Variants in RAD54L observed in about 807,000 individuals in gnomAD.
RAD54L encodes DNA repair and recombination protein RAD54-like.
In RAD54L, 74 loss-of-function variants were observed where a neutral mutation model predicts 91.6. The observed-to-expected ratio is 0.81, with a 90% confidence interval of 0.67 to 0.98. The LOEUF (loss-of-function observed/expected upper bound fraction) is 0.98, where lower values mean the gene tolerates loss of function less well. Ranked by LOEUF, RAD54L falls within the 50% of genes least tolerant of loss-of-function variation. The pLI, the probability that RAD54L is intolerant of heterozygous loss-of-function variation, is 0.00. For synonymous variants in RAD54L, 304 were observed against 349.7 expected, an observed-to-expected ratio of 0.87 and a Z score of 1.46; for missense variants, 887 against 945.7, an observed-to-expected ratio of 0.94 and a Z score of 0.81.
intron 8 of RAD54L, among the ~76,000 whole-genome samples, chr1:46,264,597 G>A (rs1378491675): frequency 6.6e-6 from 1 of 152,250 alleles, no homozygotes; most frequent in African/African-American, 2.4e-5. Context: ...CAGATCAAGA[G>A]AGGATATATG....
chr1:46,250,264 G>T, intron 3 of RAD54L, 145 bp downstream of exon 3: 1 of 1,118,310 alleles, frequency 8.9e-7, no homozygotes, highest in South Asian at 1.3e-5. Flanking sequence ...GCCCACAGCT[G>T]CTGGGGCCTG....
intron 3 of RAD54L, 25 bp downstream of exon 3, chr1:46,250,144 G>C: frequency 6.2e-7 from 1 of 1,613,798 alleles, no homozygotes; most frequent in East Asian, 2.2e-5. Context: ...CAACCTGCAT[G>C]TGTATGTCTG....
Position 46,248,736 on chromosome 1 carries a change from A to G in RAD54L, c.90+138A>G, listed in dbSNP as rs948344460. 3.1e-5 allele frequency: 24 copies of G among 772,392 alleles called. No homozygotes were observed. The Admixed American group carries it at 4.5e-4, about 14-fold the overall frequency. 47.8% of individuals were successfully genotyped at this position (772,392 alleles called of 1,614,324 possible). On this transcript the variant is annotated intron_variant, in intron 2 of 17. Coordinates refer to ENST00000371975, the MANE Select transcript of RAD54L (RefSeq NM_003579.4). ...AATAAACTTTTAGTGAGTACTTACTATGTGCCAGGCATTGAACAAGATTAG... is the reference window on the plus strand; with the variant it reads ...AATAAACTTTTAGTGAGTACTTACTGTGTGCCAGGCATTGAACAAGATTAG...
chr1:46,248,087 A>G lies in RAD54L; in HGVS notation c.-319A>G, dbSNP rs1488399912. 1 of 180,404 alleles carries G rather than the reference A, an allele frequency of 5.5e-6. No individual in the cohort carries two copies. Among genetic ancestry groups the G allele is most frequent in the Non-Finnish European group, 1.1e-5 (1 of 94,260 alleles). The allele number at this position is 180,404 out of a possible 1,614,324, so 11.2% of individuals were successfully genotyped here. On this transcript the variant is annotated 5_prime_UTR_variant, in exon 1 of 18. Coordinates refer to ENST00000371975, the MANE Select transcript of RAD54L (RefSeq NM_003579.4). ...TCCTCCCTTCACCCGGACTGGGACC[A>G]TCATCCCCACTCCACTCCGCCCAGT...
intron 6 of RAD54L, 45 bp downstream of exon 6, chr1:46,260,656 C>T (rs201361829): frequency 1.2e-6 from 2 of 1,613,696 alleles, no homozygotes; most frequent in Non-Finnish European, 1.7e-6. Context: ...TGGGCTGAGC[C>T]TGGGAGACTA....
rs1660517327 is a variant in RAD54L, at chr1:46,274,064, A to C, written c.1611-74A>C. 3 of 1,447,702 alleles carry C rather than the reference A, an allele frequency of 2.1e-6. No homozygotes were observed. In the Admixed American group the frequency reaches 5.2e-5, roughly 25 times the overall value. The allele number at this position is 1,447,702 out of a possible 1,614,324, so 89.7% of individuals were successfully genotyped here. On this transcript the variant is annotated intron_variant, in intron 14 of 17. Transcript: ENST00000371975. ...TCTGCTTTCTTGGGTCTTTTTAAAA[A>C]AATTTTTATTTTTAATTTTTTTTCC...
intron 12 of RAD54L, among the ~76,000 whole-genome samples, chr1:46,273,145 G>A (rs28363238): frequency 6.6e-6 from 1 of 152,202 alleles, no homozygotes; most frequent in African/African-American, 2.4e-5. Context: ...CTCCCTTCTT[G>A]TTGGGAGAAC....
rs781637743 is a variant in RAD54L at position 46,260,777 on chromosome 1, C to CCATGGCTGCAT, written c.537_547dup (p.Asp183AlafsTer9). ...TCACCAGTCGGCGCATCCCTGGCAG[C>CCATGGCTGCAT]CATGGCTGCATCATGGCTGATGAGA... On this transcript the variant is annotated frameshift_variant, in exon 7 of 18. Coordinates refer to ENST00000371975, the MANE Select transcript of RAD54L (RefSeq NM_003579.4). LOFTEE classifies it high-confidence loss of function. The CCATGGCTGCAT allele has an allele frequency of 3.1e-6, 5 of 1,614,186 alleles. No homozygotes were observed. In the East Asian group the frequency reaches 1.1e-4, roughly 36 times the overall value.
intron 8 of RAD54L, 127 bp from the exon 9 acceptor site, chr1:46,267,331 TG>T (rs1660293125): frequency 8.1e-7 from 1 of 1,237,112 alleles, no homozygotes. Context: ...CCCAAAGTGC[TG>T]GGATTACAGG....
intron 2 of RAD54L, 35 bp downstream of exon 2, chr1:46,248,633 G>T (rs1245231065): frequency 6.3e-7 from 1 of 1,599,350 alleles, no homozygotes; most frequent in Non-Finnish European, 8.6e-7. Flanking sequence ...GGTGGGTAGA[G>T]CTGTTTGGAC....
At chr1:46,270,807 A>G (rs762703797) in intron 10 of RAD54L, 22 bp downstream of exon 10, 2 of 1,610,458 alleles carry the variant, frequency 1.2e-6, no homozygotes, top group South Asian at 1.1e-5. Context: ...AAGCGAAGTC[A>G]TTAGAATTGC....
At chr1:46,267,402 A>G in intron 8 of RAD54L, 57 bp from the exon 9 acceptor site, 2 of 1,610,428 alleles carry the variant, frequency 1.2e-6, no homozygotes, top group African/African-American at 1.3e-5. Context: ...TCTACATGAG[A>G]CTTTGCTACC....
chr1:46,273,858 C>A, intron 14 of RAD54L, 111 bp downstream of exon 14: 1 of 1,432,826 alleles, frequency 7.0e-7, no homozygotes, highest in South Asian at 1.2e-5. Flanking sequence ...AGGGCTTTCC[C>A]TGGAGATATC....
At chr1:46,257,647 G>A (rs549144065) in intron 3 of RAD54L, among the ~76,000 whole-genome samples, 1 of 152,326 alleles carries the variant, frequency 6.6e-6, no homozygotes, top group East Asian at 1.9e-4. Flanking sequence ...TCTACCTGCT[G>A]TCACCCTTGT....
chr1:46,272,317 A>G (rs1660454963), intron 10 of RAD54L, 149 bp from the exon 11 acceptor site: 2 of 751,820 alleles, frequency 2.7e-6, no homozygotes, highest in Admixed American at 4.1e-5. Context: ...TGCTGGGATT[A>G]CTGGCGTGAG....
At position 46,270,714 on chromosome 1, in the gene RAD54L, CG is replaced by C. The variant is rs765127725; in HGVS notation, c.1099del (p.Ala367LeufsTer10). ...FELPILKGRD[A>X]AASEADRQLG... ...AATTGCCAATTTTGAAGGGTCGAGA[CG>C]CTGCTGCTAGTGAGGCAGACAGGCA... On this transcript the variant is annotated frameshift_variant, in exon 10 of 18. Transcript: ENST00000371975. LOFTEE classifies it high-confidence loss of function. 5.0e-6 allele frequency: 8 copies of C among 1,614,214 alleles called. No homozygotes were observed. Among genetic ancestry groups the C allele is most frequent in the Middle Eastern group, 1.6e-4 (1 of 6,062 alleles).
chr1:46,252,335 T>C (rs1277901533), intron 3 of RAD54L, among the ~76,000 whole-genome samples: 2 of 151,620 alleles, frequency 1.3e-5, no homozygotes, highest in East Asian at 3.9e-4. Flanking sequence ...GTGTTTTAAG[T>C]GGGGGTAGGA....
Position 46,272,946 on chromosome 1 carries a change from T to G in RAD54L, c.1375+144T>G, listed in dbSNP as rs548014576. The G allele has an allele frequency of 2.6e-5, 32 of 1,252,596 alleles. No homozygotes were observed. In the African/African-American group the frequency reaches 4.7e-4, roughly 19 times the overall value. The allele number at this position is 1,252,596 out of a possible 1,614,324, so 77.6% of individuals were successfully genotyped here. ...TGTGATTCCAACCCTACCCAAGGCATGAACCCTGCATTGTGGAGTCTGTTT... is the reference window on the plus strand; with the variant it reads ...TGTGATTCCAACCCTACCCAAGGCAGGAACCCTGCATTGTGGAGTCTGTTT... On this transcript the variant is annotated intron_variant, in intron 12 of 17. Coordinates refer to ENST00000371975, the MANE Select transcript of RAD54L (RefSeq NM_003579.4).
chr1:46,260,036 A>C lies in RAD54L; in HGVS notation c.344A>C (p.Lys115Thr). The C allele has an allele frequency of 6.2e-7, 1 of 1,614,106 alleles. No homozygotes were observed. Among genetic ancestry groups the C allele is most frequent in the Non-Finnish European group, 8.5e-7 (1 of 1,180,018 alleles). The change falls in exon 5 of 18, where the codon AAA becomes ACA. Residue 115 changes from lysine (K) to threonine (T), a missense_variant. Coordinates refer to ENST00000371975, the MANE Select transcript of RAD54L (RefSeq NM_003579.4). ...CGGGCCCTCCATGACCCCCTGGAAA[A>C]AGATGCCTTGGTTCTGTATGAGCCT... ...VRRALHDPLE[K>T]DALVLYEPPP...
Sources: gnomAD v4.1 joint callset for allele counts (sites outside exome capture counted in the v4.1 genomes callset) on GRCh38, gnomAD v4.1.1 for gene constraint, MANE v1.5 for transcripts, NCBI Gene and HGNC (gene_info 2026-07-23, HGNC 2026-07-21) for gene names.